Variants in CD55 observed in about 807,000 individuals in gnomAD.
CD55 encodes CD55 molecule (Cromer blood group), also known as complement decay-accelerating factor.
A neutral mutation model predicts 45.8 loss-of-function variants in CD55; 41 were observed. The observed-to-expected ratio is 0.90, with a 90% CI of 0.70 to 1.16. The LOEUF (loss-of-function observed/expected upper bound fraction) is 1.16, where lower values mean the gene tolerates loss of function less well. CD55 is among the 50% of genes most tolerant of loss of function. The probability of loss-of-function intolerance (pLI) is 0.00; values close to 1 mark genes in which losing one functional copy is unlikely to be tolerated. For missense variants in CD55, 416 were observed against 469.8 expected (o/e 0.89, Z 1.06); for synonymous variants, 181 against 181.1 (o/e 1.00, Z 0.01).
chr1:207,328,559 G>A (rs1654791375), intron 5 of CD55, among the ~76,000 whole-genome samples: 1 of 152,218 alleles, frequency 6.6e-6, no homozygotes, highest in African/African-American at 2.4e-5. Context: ...CAGAGGTGCT[G>A]CTAGTTTACC....
intron 9 of CD55, among the ~76,000 whole-genome samples, chr1:207,357,493 G>A (rs1174768391): frequency 7.1e-6 from 1 of 140,956 alleles, no homozygotes; most frequent in Admixed American, 7.6e-5. Flanking sequence ...AAGTATCAAT[G>A]TATAGAGTAT....
In CD55 at chr1:207,331,089, G is replaced by A. The variant is rs931997964; in HGVS notation, c.665-19G>A. On this transcript the variant is annotated intron_variant, in intron 5 of 9. Transcript: ENST00000367064. Reference sequence around the variant, plus strand: ...TACTAGTTTTATTTATTTAAAAGATGTTGGAATTGTTTTTTAAGAAATTTA... The same window carrying A: ...TACTAGTTTTATTTATTTAAAAGATATTGGAATTGTTTTTTAAGAAATTTA... The A allele has an allele frequency of 1.2e-5, 19 of 1,554,582 alleles. No individual in the cohort carries two copies. The Admixed American group carries it at 1.3e-4, about 10-fold the overall frequency.
At chr1:207,324,832 C>A in intron 3 of CD55, 82 bp downstream of exon 3, 1 of 761,266 alleles carries the variant, frequency 1.3e-6, no homozygotes, top group East Asian at 2.6e-5. Context: ...TGCTAGAACT[C>A]TATGTGTATA....
chr1:207,324,326 T>A (rs1572868428), intron 2 of CD55, among the ~76,000 whole-genome samples: 3 of 151,346 alleles, frequency 2.0e-5, no homozygotes, highest in Admixed American at 1.3e-4. Context: ...GTGGGGATAG[T>A]GATATGTGTG....
chr1:207,328,716 C>T (rs975459928), intron 5 of CD55, among the ~76,000 whole-genome samples: 1 of 152,206 alleles, frequency 6.6e-6, no homozygotes, highest in African/African-American at 2.4e-5. Flanking sequence ...TTCTCTTTAT[C>T]TTAACTCCCC....
intron 9 of CD55, among the ~76,000 whole-genome samples, chr1:207,353,506 A>C (rs1359758857): frequency 6.6e-6 from 1 of 152,152 alleles, no homozygotes; most frequent in East Asian, 1.9e-4. Context: ...TTGACTCTTA[A>C]GTAGCTATTT....
At chr1:207,358,095 C>G (rs927954942) in intron 9 of CD55, among the ~76,000 whole-genome samples, 1 of 152,068 alleles carries the variant, frequency 6.6e-6, no homozygotes, top group South Asian at 2.1e-4. Flanking sequence ...TTGCAGTGAA[C>G]TTAATTGCTT....
At chr1:207,333,812 G>A (rs1404115282) in intron 6 of CD55, among the ~76,000 whole-genome samples, 2 of 152,122 alleles carry the variant, frequency 1.3e-5, no homozygotes, top group African/African-American at 2.4e-5. Context: ...CTGAAAGATC[G>A]GTTAAAAATA....
intron 1 of CD55, chr1:207,322,122 C>T: frequency 4.7e-6 from 3 of 642,260 alleles, no homozygotes; most frequent in Non-Finnish European, 8.6e-6. Context: ...TGCGGAGCAG[C>T]CAAGCCTGGC....
At chr1:207,357,900 T>C (rs1348970226) in intron 9 of CD55, among the ~76,000 whole-genome samples, 1 of 152,174 alleles carries the variant, frequency 6.6e-6, no homozygotes, top group East Asian at 1.9e-4. Context: ...AGTAAGAGAT[T>C]AACACCAACG....
intron 9 of CD55, among the ~76,000 whole-genome samples, chr1:207,344,766 A>G (rs1655565615): frequency 6.6e-6 from 1 of 151,344 alleles, no homozygotes; most frequent in South Asian, 2.1e-4. Context: ...AGCCTGGAGT[A>G]CAGTGGCGCA....
chr1:207,355,236 G>C (rs1241016827), intron 9 of CD55, among the ~76,000 whole-genome samples: 1 of 142,810 alleles, frequency 7.0e-6, no homozygotes, highest in Non-Finnish European at 1.5e-5. Context: ...CATTAGTCAC[G>C]TTAGATTCAG....
At chr1:207,325,473 G>A (rs1354380738) in intron 3 of CD55, 149 bp from the exon 4 acceptor site, 3 of 475,412 alleles carry the variant, frequency 6.3e-6, no homozygotes, top group Non-Finnish European at 1.1e-5. Context: ...TATCTTAGGT[G>A]TACAACATGA....
At chr1:207,333,379 A>G (rs2102400759) in intron 6 of CD55, among the ~76,000 whole-genome samples, 1 of 152,380 alleles carries the variant, frequency 6.6e-6, no homozygotes, top group South Asian at 2.1e-4. Context: ...CAAGGAACAG[A>G]GGCAAGAGCA....
rs1656228771 is a variant in CD55 at position 207,359,846 on chromosome 1, T to C, written c.*236T>C. On this transcript the variant is annotated 3_prime_UTR_variant, in exon 10 of 10. Coordinates refer to ENST00000367064, the MANE Select transcript of CD55 (RefSeq NM_000574.5). Reference sequence around the variant, plus strand: ...ATAGAACAACTTGCAGAATTGAGAGTGATTCCTTTCCTAAAAGTGTAAGAA... The same window carrying C: ...ATAGAACAACTTGCAGAATTGAGAGCGATTCCTTTCCTAAAAGTGTAAGAA... 2.6e-6 allele frequency: 1 copy of C among 380,448 alleles called. No individual in the cohort carries two copies. Among genetic ancestry groups the C allele is most frequent in the South Asian group, 1.1e-4 (1 of 9,004 alleles). 23.6% of individuals were successfully genotyped at this position (380,448 alleles called of 1,614,324 possible).
chr1:207,359,045 T>C (rs1656183751), intron 9 of CD55, among the ~76,000 whole-genome samples: 1 of 152,158 alleles, frequency 6.6e-6, no homozygotes, highest in Non-Finnish European at 1.5e-5. Context: ...AATTATAATA[T>C]GTGCTAAGAT....
At chr1:207,343,375 TG>T (rs1655510180) in intron 9 of CD55, among the ~76,000 whole-genome samples, 1 of 152,152 alleles carries the variant, frequency 6.6e-6, no homozygotes, top group Admixed American at 6.5e-5. Flanking sequence ...GCTACACTGT[TG>T]CCATTTCTAT....
Position 207,350,338 on chromosome 1 carries a change from CTT to C in CD55, c.1082-9206_1082-9205del, listed in dbSNP as rs150269977. On this transcript the variant is annotated intron_variant, in intron 9 of 9. Coordinates refer to ENST00000367064, the MANE Select transcript of CD55 (RefSeq NM_000574.5). Reference sequence around the variant, plus strand: ...GAAGTTTTCTTTTTTTGTCCTGTCTCTTTGCCAGATTTTGGTATCAGTGTGAT... The same window carrying C: ...GAAGTTTTCTTTTTTTGTCCTGTCTCTGCCAGATTTTGGTATCAGTGTGAT... Among the ~76,000 whole-genome samples, 1,108 of 152,178 alleles carry C rather than the reference CTT, an allele frequency of 7.3e-3. 12 individuals carry two copies. Among genetic ancestry groups the C allele is most frequent in the African/African-American group, 0.025 (1,055 of 41,526 alleles).
At chr1:207,326,340 T>C (rs1464744161) in intron 4 of CD55, among the ~76,000 whole-genome samples, 1 of 152,214 alleles carries the variant, frequency 6.6e-6, no homozygotes, top group East Asian at 1.9e-4. Flanking sequence ...TTGTCTCCTA[T>C]ACGAAACACA....
Sources: allele counts gnomAD v4.1 joint callset (sites outside exome capture counted in the v4.1 genomes callset), GRCh38; gene constraint gnomAD v4.1.1; transcripts MANE v1.5; gene names NCBI Gene and HGNC (gene_info 2026-07-23, HGNC 2026-07-21).